COL6A3: variants seen among roughly 807,000 people sequenced by gnomAD.
COL6A3 encodes the protein collagen type VI alpha 3 chain.
In COL6A3, 137 loss-of-function variants were observed where a neutral mutation model predicts 274.1. The ratio of observed to expected loss-of-function variants is 0.50; its 90% CI spans 0.44 to 0.58. COL6A3 has a LOEUF of 0.58. Ranked by LOEUF, COL6A3 falls within the 20% of genes least tolerant of loss-of-function variation. COL6A3 has a pLI of 0.00. For synonymous variants in COL6A3, 1,650 were observed against 1,650.6 expected (o/e 1.00, Z 0.01); for missense variants, 3,950 against 4,124.9 (o/e 0.96, Z 1.16).
chr2:237,388,154 A>G lies in COL6A3; in HGVS notation c.740T>C (p.Ile247Thr), dbSNP rs780836953. 3.1e-6 allele frequency: 5 copies of G among 1,614,160 alleles called. No individual in the cohort carries two copies. The highest frequency in any genetic ancestry group is 1.1e-5 in the South Asian group (1 of 91,088). ...AQDSADIIFL[I>T]DGSNNTGSVN... ...ACTTCCGGTGTTGTTTGATCCATCAATAAGGAAAATAATGTCAGCAGAGTC... is the reference window on the plus strand; with the variant it reads ...ACTTCCGGTGTTGTTTGATCCATCAGTAAGGAAAATAATGTCAGCAGAGTC... The change falls in exon 4 of 44, where the codon ATT (isoleucine) becomes ACT (threonine). Residue 247 changes from isoleucine to threonine, a missense_variant. Ile to Thr is a moderately conservative substitution (Grantham distance 89, BLOSUM62 -1). Around this residue, in one of 5 missense-constraint regions of COL6A3, gnomAD observed 1,934 missense variants for 1,984.3 expected, o/e 0.97. Coordinates refer to ENST00000295550, the MANE Select transcript of COL6A3 (RefSeq NM_004369.4).
intron 10 of COL6A3, among the ~76,000 whole-genome samples, chr2:237,367,779 A>G (rs1250988365): frequency 6.6e-6 from 1 of 152,176 alleles, no homozygotes; most frequent in Non-Finnish European, 1.5e-5. Flanking sequence ...AGGCCCCTTA[A>G]CCTTTGGATG....
intron 23 of COL6A3, chr2:237,357,073 C>A: frequency 5.3e-6 from 3 of 567,596 alleles, no homozygotes; most frequent in Non-Finnish European, 9.4e-6. Flanking sequence ...AAACCTGGCC[C>A]GATATTTGAA....
At chr2:237,349,167 A>G (rs1314382891) in intron 28 of COL6A3, among the ~76,000 whole-genome samples, 3 of 139,972 alleles carry the variant, frequency 2.1e-5, no homozygotes, top group East Asian at 4.3e-4. Context: ...TCCCCCCAGC[A>G]TGCTCAGATC....
intron 42 of COL6A3, among the ~76,000 whole-genome samples, chr2:237,332,083 A>AT (rs1700271573): frequency 1.5e-4 from 2 of 13,670 alleles, no homozygotes; most frequent in Non-Finnish European, 2.7e-4. Flanking sequence ...ATATATATAT[A>AT]TATATATATA....
At chr2:237,411,820 C>G (rs1270320228) in intron 1 of COL6A3, among the ~76,000 whole-genome samples, 1 of 152,210 alleles carries the variant, frequency 6.6e-6, no homozygotes, top group African/African-American at 2.4e-5. Flanking sequence ...TGTCCCCTCA[C>G]CTGTGGGCCA....
chr2:237,385,075 T>C (rs1297267514), intron 4 of COL6A3, among the ~76,000 whole-genome samples: 8 of 152,144 alleles, frequency 5.3e-5, no homozygotes, highest in African/African-American at 1.9e-4. Flanking sequence ...GGGCCTTCCA[T>C]CCACCTGATC....
chr2:237,334,234 C>T (rs1311057433), intron 41 of COL6A3, among the ~76,000 whole-genome samples: 1 of 152,166 alleles, frequency 6.6e-6, no homozygotes, highest in Admixed American at 6.5e-5. Context: ...CCCTAAGGAG[C>T]CAGTGACTGG....
At chr2:237,385,902 T>A (rs1286209491) in intron 4 of COL6A3, among the ~76,000 whole-genome samples, 2 of 152,176 alleles carry the variant, frequency 1.3e-5, no homozygotes, top group Non-Finnish European at 2.9e-5. Context: ...TATGGTCCCA[T>A]CAAGTGAGAG....
At chr2:237,332,490 C>T (rs1700315403) in intron 42 of COL6A3, among the ~76,000 whole-genome samples, 1 of 152,118 alleles carries the variant, frequency 6.6e-6, no homozygotes, top group South Asian at 2.1e-4. Context: ...TCTCTTTGAG[C>T]TCAAGCACCA....
At chr2:237,363,426 C>T (rs776391272) in intron 13 of COL6A3, 28 bp from the exon 14 acceptor site, 12 of 1,613,922 alleles carry the variant, frequency 7.4e-6, no homozygotes, top group East Asian at 4.5e-5. Flanking sequence ...TTTAATACAG[C>T]TCACCTAGGC....
intron 40 of COL6A3, 43 bp from the exon 41 acceptor site, chr2:237,334,932 C>T: frequency 6.2e-7 from 1 of 1,611,334 alleles, no homozygotes; most frequent in Non-Finnish European, 8.5e-7. Flanking sequence ...ATAAAATCCT[C>T]CATGACTGTA....
chr2:237,386,907 G>GT (rs140132246), intron 4 of COL6A3, among the ~76,000 whole-genome samples: 4,516 of 152,056 alleles, frequency 0.03, 213 homozygotes, highest in African/African-American at 0.1. Context: ...GACTTGGTTG[G>GT]TTTTTTTGTT....
At chr2:237,394,382 C>T (rs554279312) in intron 3 of COL6A3, among the ~76,000 whole-genome samples, 6 of 152,326 alleles carry the variant, frequency 3.9e-5, no homozygotes, top group Non-Finnish European at 7.3e-5. Context: ...TAAAAAAAGA[C>T]TCTTCTTGTA....
chr2:237,338,591 C>T (rs1700665559), intron 39 of COL6A3, among the ~76,000 whole-genome samples: 1 of 151,956 alleles, frequency 6.6e-6, no homozygotes, highest in Admixed American at 6.6e-5. Flanking sequence ...GGCGAAACCC[C>T]ATCTCTACTG....
At chr2:237,333,655 TG>T (rs35352812) in intron 41 of COL6A3, 107 bp from the exon 42 acceptor site, 5 of 913,936 alleles carry the variant, frequency 5.5e-6, no homozygotes, top group Non-Finnish European at 8.7e-6. Context: ...TGTCTTATGT[TG>T]GGGAGTGGTG....
intron 13 of COL6A3, among the ~76,000 whole-genome samples, chr2:237,363,959 G>A (rs770390288): frequency 2.0e-5 from 3 of 152,190 alleles, no homozygotes; most frequent in Non-Finnish European, 2.9e-5. Context: ...TTATTTGGGT[G>A]TAGTGTTATT....
At chr2:237,350,372 C>A (rs1207993836) in intron 27 of COL6A3, among the ~76,000 whole-genome samples, 163 bp from the exon 28 acceptor site, 2 of 152,172 alleles carry the variant, frequency 1.3e-5, no homozygotes, top group African/African-American at 2.4e-5. Context: ...TGTGCAAACT[C>A]CTGGAAAAGA....
Position 237,367,287 on chromosome 2 carries a change from C to G in COL6A3, c.4901-1G>C. ...AACACAATGTCTGCTTTCTTCTTCT[C>G]TAGAAGTGATTAAAGTGAAAATAAG... On this transcript the variant is annotated splice_acceptor_variant, in intron 10 of 43. Coordinates refer to ENST00000295550, the MANE Select transcript of COL6A3 (RefSeq NM_004369.4). LOFTEE classifies it high-confidence loss of function. 6.2e-7 allele frequency: 1 copy of G among 1,611,168 alleles called. No homozygotes were observed. The highest frequency in any genetic ancestry group is 8.5e-7 in the Non-Finnish European group (1 of 1,178,668).
intron 39 of COL6A3, 99 bp from the exon 40 acceptor site, chr2:237,336,631 T>G (rs912979876): frequency 8.0e-7 from 1 of 1,252,088 alleles, no homozygotes; most frequent in Admixed American, 1.9e-5. Flanking sequence ...TTTAGCAAAA[T>G]GCATGCAATA....
Sources: allele counts gnomAD v4.1 joint callset (sites outside exome capture counted in the v4.1 genomes callset), GRCh38; gene constraint gnomAD v4.1.1; regional missense constraint gnomAD v4.1.1; transcripts MANE v1.5; gene names NCBI Gene and HGNC (gene_info 2026-07-23, HGNC 2026-07-21).